The following MLPH variants were observed in gnomAD, a reference collection of about 807,000 sequenced individuals.
MLPH encodes exophilin-3.
In MLPH, 51 loss-of-function variants were observed where a neutral mutation model predicts 72.1. That is an observed-to-expected ratio of 0.71 (90% CI 0.56 to 0.89). The LOEUF (loss-of-function observed/expected upper bound fraction) is 0.89. MLPH is among the 40% of genes least tolerant of loss of function. The probability of loss-of-function intolerance (pLI) is 0.00; values close to 1 mark genes in which losing one functional copy is unlikely to be tolerated. For missense variants in MLPH, 743 were observed against 759.9 expected (o/e 0.98, Z 0.26); for synonymous variants, 301 against 310.1 (o/e 0.97, Z 0.31).
rs1186770585 is a variant in MLPH at position 237,518,645 on chromosome 2, C to T, written c.552C>T (p.Ser184=). 1.9e-6 allele frequency: 3 copies of T among 1,610,840 alleles called. No homozygotes were observed. In the Admixed American group the frequency reaches 5.0e-5, roughly 27 times the overall value. The change falls in exon 5 of 16, where the codon AGC becomes AGT. Residue 184 remains serine (S), a synonymous_variant. Coordinates refer to ENST00000264605, the MANE Select transcript of MLPH (RefSeq NM_024101.7). ...EAQAQAQPFG[S]KKKRLLSVHD... is the part of the protein sequence containing the mutation. ...AGGCCCAGGCCCAGCCCTTTGGCAGCAAAGTAAGTCATCTCCAGCCACCCC... is the reference window on the plus strand; with the variant it reads ...AGGCCCAGGCCCAGCCCTTTGGCAGTAAAGTAAGTCATCTCCAGCCACCCC...
intron 1 of MLPH, among the ~76,000 whole-genome samples, chr2:237,491,645 G>T (rs1310759789): frequency 6.6e-6 from 1 of 152,236 alleles, no homozygotes. Context: ...AGGATGATCA[G>T]GGAAGTCCTC....
At chr2:237,495,555 A>G (rs2079517818) in intron 2 of MLPH, among the ~76,000 whole-genome samples, 1 of 152,186 alleles carries the variant, frequency 6.6e-6, no homozygotes, top group African/African-American at 2.4e-5. Flanking sequence ...CCCATGCTGA[A>G]CAGGGTCCGC....
intron 10 of MLPH, 37 bp from the exon 11 acceptor site, chr2:237,540,764 TC>T: frequency 1.2e-6 from 2 of 1,609,178 alleles, no homozygotes; most frequent in Non-Finnish European, 1.7e-6. Flanking sequence ...CCACACTCCC[TC>T]CTGCTGCTGG....
At chr2:237,523,832 T>C (rs1231076223) in intron 6 of MLPH, among the ~76,000 whole-genome samples, 1 of 152,126 alleles carries the variant, frequency 6.6e-6, no homozygotes, top group Non-Finnish European at 1.5e-5. Context: ...AGATTACTGA[T>C]AGCGGGTAAA....
chr2:237,532,851 A>T (rs2080449846), intron 8 of MLPH, among the ~76,000 whole-genome samples: 1 of 152,232 alleles, frequency 6.6e-6, no homozygotes, highest in African/African-American at 2.4e-5. Context: ...GTAGCAGAGG[A>T]AGAAGACAGA....
intron 2 of MLPH, among the ~76,000 whole-genome samples, chr2:237,495,921 C>A (rs1292551466): frequency 6.6e-6 from 1 of 152,178 alleles, no homozygotes; most frequent in East Asian, 1.9e-4. Context: ...CGGGCCCCGT[C>A]CTCACCCCTC....
intron 14 of MLPH, 69 bp from the exon 15 acceptor site, chr2:237,552,268 G>T: frequency 7.5e-7 from 1 of 1,326,880 alleles, no homozygotes; most frequent in Non-Finnish European, 1.1e-6. Flanking sequence ...TTCTGAGGAG[G>T]CCAAGGCACT....
rs190687119 is a variant in MLPH, at chr2:237,505,133, G to C, written c.111-5441G>C. Among the ~76,000 whole-genome samples the C allele has an allele frequency of 1.9e-3, 295 of 152,260 alleles. 2 individuals carry two copies. Among genetic ancestry groups the C allele is most frequent in the African/African-American group, 6.6e-3 (274 of 41,558 alleles). On this transcript the variant is annotated intron_variant, in intron 2 of 15. Coordinates refer to ENST00000264605, the MANE Select transcript of MLPH (RefSeq NM_024101.7). This position sits in a 1 kb window ranked among gnomAD's most constrained non-coding sequence, Gnocchi z 4.5. ...GGCTCATGACCCTCCCGGTGGCCAG[G>C]TTGATGGGGTCTGGACTCCACACAC...
At chr2:237,518,495 A>G in intron 4 of MLPH, 44 bp from the exon 5 acceptor site, 6 of 1,522,530 alleles carry the variant, frequency 3.9e-6, no homozygotes, top group Non-Finnish European at 5.4e-6. Flanking sequence ...GCTTGTTCCC[A>G]GACTGTTTGT....
chr2:237,507,066 T>TTC (rs2079792239), intron 2 of MLPH, among the ~76,000 whole-genome samples: 1 of 140,896 alleles, frequency 7.1e-6, no homozygotes, highest in African/African-American at 2.7e-5. Flanking sequence ...TTTTTTCTTT[T>TTC]TTTTTTTTTT....
At chr2:237,504,245 T>C (rs2079714801) in intron 2 of MLPH, among the ~76,000 whole-genome samples, 1 of 152,008 alleles carries the variant, frequency 6.6e-6, no homozygotes, top group African/African-American at 2.4e-5. Context: ...AGGTGGAGTT[T>C]TGCTCTTACT....
At chr2:237,539,704 A>G (rs538420890) in intron 9 of MLPH, among the ~76,000 whole-genome samples, 22 of 152,310 alleles carry the variant, frequency 1.4e-4, no homozygotes, top group African/African-American at 5.3e-4. Flanking sequence ...CTGAGTTCTT[A>G]TAACTTGCAG....
At chr2:237,530,549 A>T (rs909414336) in intron 8 of MLPH, among the ~76,000 whole-genome samples, 1 of 152,178 alleles carries the variant, frequency 6.6e-6, no homozygotes, top group African/African-American at 2.4e-5. Flanking sequence ...CTGTAGTGTC[A>T]TCTGGAAGCT....
rs2080693205 is a variant in MLPH, at chr2:237,541,824, G to A, written c.1447-743G>A. The stretch of plus-strand genomic sequence containing the variant: ...TTGGGTTCATGAAAAGTGTGATTAA[G>A]ACAATCAGTGAAGGTGAGCCCCTAG... On this transcript the variant is annotated intron_variant, in intron 11 of 15. Transcript: ENST00000264605. This position sits in a 1 kb window ranked among gnomAD's most constrained non-coding sequence, Gnocchi z 5.1. Among the ~76,000 whole-genome samples, 1 of 152,214 alleles carries A rather than the reference G, an allele frequency of 6.6e-6. No homozygotes were observed. Among genetic ancestry groups the A allele is most frequent in the South Asian group, 2.1e-4 (1 of 4,834 alleles).
At chr2:237,536,017 A>G (rs2080523338) in intron 9 of MLPH, among the ~76,000 whole-genome samples, 1 of 152,136 alleles carries the variant, frequency 6.6e-6, no homozygotes, top group African/African-American at 2.4e-5. Flanking sequence ...GAGGCTCCCA[A>G]TCATTTAAAG....
At chr2:237,517,240 C>CAAGT in intron 4 of MLPH, among the ~76,000 whole-genome samples, 1 of 137,680 alleles carries the variant, frequency 7.3e-6, no homozygotes, top group Middle Eastern at 5.5e-3. Flanking sequence ...GATAGGTAGG[C>CAAGT]GGAGGGGTGG....
intron 12 of MLPH, chr2:237,545,415 G>T (rs1294801260): frequency 7.9e-7 from 1 of 1,271,502 alleles, no homozygotes; most frequent in Non-Finnish European, 1.0e-6. Context: ...CCTTTGTTGG[G>T]GTTCATTTTT....
Position 237,519,920 on chromosome 2 carries a change from T to A in MLPH, c.566T>A (p.Leu189His), listed in dbSNP as rs770542427. 1 of 1,613,852 alleles carries A rather than the reference T, an allele frequency of 6.2e-7. No individual in the cohort carries two copies. Among genetic ancestry groups the A allele is most frequent in the South Asian group, 1.1e-5 (1 of 91,078 alleles). The change falls in exon 6 of 16, where the codon CTC becomes CAC. Residue 189 changes from leucine (L) to histidine (H), a missense_variant. Coordinates refer to ENST00000264605, the MANE Select transcript of MLPH (RefSeq NM_024101.7). ...AQPFGSKKKR[L>H]LSVHDFDFEG... The stretch of plus-strand genomic sequence containing the variant: ...CTTGTGCCTGCTAAGAAAAAGCGCC[T>A]CCTCTCCGTCCACGACTTCGACTTC...
chr2:237,540,139 G>A (rs1022308581), intron 9 of MLPH, among the ~76,000 whole-genome samples: 2 of 152,242 alleles, frequency 1.3e-5, no homozygotes, highest in Non-Finnish European at 2.9e-5. Flanking sequence ...CTTTCCCTGG[G>A]AACCCCCAGC....
Sources: allele counts gnomAD v4.1 joint callset (sites outside exome capture counted in the v4.1 genomes callset), GRCh38; gene constraint gnomAD v4.1.1; non-coding constraint Gnocchi (gnomAD v3.1); transcripts MANE v1.5; gene names NCBI Gene and HGNC (gene_info 2026-07-23, HGNC 2026-07-21).